Variants in THEMIS observed in about 807,000 individuals in gnomAD.
THEMIS encodes protein THEMIS.
THEMIS carries 37 observed loss-of-function variants against 52.6 expected under a neutral mutation model. The observed-to-expected ratio is 0.70, with a 90% CI of 0.54 to 0.93. THEMIS has a LOEUF of 0.93. Among genes scored for constraint, THEMIS ranks in the 40% least tolerant of loss-of-function variants. The pLI, the probability that THEMIS is intolerant of heterozygous loss-of-function variation, is 0.00. For synonymous variants in THEMIS, 292 were observed against 272.7 expected (o/e 1.07, Z -0.70); for missense variants, 808 against 763.1 (o/e 1.06, Z -0.69).
chr6:127,717,299 T>C (rs1281082800), intron 5 of THEMIS, among the ~76,000 whole-genome samples: 1 of 151,916 alleles, frequency 6.6e-6, no homozygotes, highest in Non-Finnish European at 1.5e-5. Flanking sequence ...TATAGCTACC[T>C]AATGGGGGAG....
At chr6:127,855,301 G>C in intron 1 of THEMIS, 113 bp from the exon 2 acceptor site, 1 of 855,798 alleles carries the variant, frequency 1.2e-6, no homozygotes, top group Non-Finnish European at 1.7e-6. Context: ...TTAGCTACCT[G>C]CTAAACAGGA....
At chr6:127,714,046 C>T (rs753504721) in intron 5 of THEMIS, among the ~76,000 whole-genome samples, 13 of 151,784 alleles carry the variant, frequency 8.6e-5, no homozygotes, top group Non-Finnish European at 1.9e-4. Context: ...GGGCATATTC[C>T]GATGTTCTTT....
intron 2 of THEMIS, among the ~76,000 whole-genome samples, chr6:127,841,338 T>C (rs1779041495): frequency 6.6e-6 from 1 of 152,056 alleles, no homozygotes; most frequent in African/African-American, 2.4e-5. Flanking sequence ...GAAGATCCAA[T>C]TGTTTAAGGG....
intron 4 of THEMIS, among the ~76,000 whole-genome samples, chr6:127,736,896 CAT>C (rs1775028377): frequency 1.4e-5 from 2 of 148,096 alleles, no homozygotes; most frequent in South Asian, 4.3e-4. Context: ...TTCTCCTTGA[CAT>C]GTCATAGAAA....
In THEMIS at chr6:127,813,187, A is replaced by G. The variant is rs746959181; in HGVS notation, c.1454T>C (p.Ile485Thr). 33 of 1,613,906 alleles carry G rather than the reference A, an allele frequency of 2.0e-5. No homozygotes were observed. The highest frequency in any genetic ancestry group is 2.7e-5 in the Non-Finnish European group (32 of 1,180,014). Reference protein sequence around the residue: ...ATPGLQLEEDITDSYLLISDF... With the variant: ...ATPGLQLEEDTTDSYLLISDF... ...ACTTATGAGTAGGTAAGAGTCTGTA[A>G]TGTCCTCCTCCAACTGCAGTCCTGG... Residue 485 changes from isoleucine (I) to threonine (T), a missense_variant, in exon 4 of 6, where the codon ATT becomes ACT. Ile to Thr is a moderately conservative substitution (Grantham distance 89, BLOSUM62 -1). Transcript: ENST00000368248.
rs140049104 is a variant in THEMIS, at chr6:127,805,053, A to G, written c.1758+7830T>C. Among the ~76,000 whole-genome samples, 31 of 152,224 alleles carry G rather than the reference A, an allele frequency of 2.0e-4. 2 individuals carry two copies. In the East Asian group the frequency reaches 3.7e-3, roughly 18 times the overall value. ...CACCTTCATAAATAACAGTGGATTTATTATACATTTCTTGTGGCCTTTAAT... is the reference window on the plus strand; with the variant it reads ...CACCTTCATAAATAACAGTGGATTTGTTATACATTTCTTGTGGCCTTTAAT... On this transcript the variant is annotated intron_variant, in intron 4 of 5. Transcript: ENST00000368248.
intron 4 of THEMIS, among the ~76,000 whole-genome samples, chr6:127,721,364 G>A (rs532903970): frequency 6.0e-4 from 92 of 152,186 alleles, no homozygotes; most frequent in African/African-American, 2.0e-3. Flanking sequence ...TTCAACCACC[G>A]TCTATCTATA....
intron 2 of THEMIS, among the ~76,000 whole-genome samples, chr6:127,838,403 T>C (rs1386945651): frequency 2.0e-5 from 3 of 152,122 alleles, no homozygotes; most frequent in Non-Finnish European, 2.9e-5. Context: ...TCCATTTTCC[T>C]ATTAGTGTTC....
chr6:127,854,647 T>C (rs999518802), intron 2 of THEMIS, among the ~76,000 whole-genome samples: 1 of 151,820 alleles, frequency 6.6e-6, no homozygotes, highest in Non-Finnish European at 1.5e-5. Flanking sequence ...GCTAGAGTAA[T>C]GACAGTAGGA....
Position 127,868,704 on chromosome 6 carries a change from G to T in THEMIS, c.92-13516C>A, listed in dbSNP as rs543777141. 2.6e-5 allele frequency among the ~76,000 whole-genome samples: 4 copies of T among 152,230 alleles called. No individual in the cohort carries two copies. In the South Asian group the frequency reaches 8.3e-4, roughly 32 times the overall value. On this transcript the variant is annotated intron_variant, in intron 1 of 5. Transcript: ENST00000368248. ...CATAATTTAAAGGGTTGAGAGGAAT[G>T]GTTCAGGAGCACTCTTAATGGAGAC...
upstream of THEMIS, among the ~76,000 whole-genome samples, chr6:127,905,461 T>A (rs1290155639): frequency 3.9e-5 from 6 of 151,996 alleles, no homozygotes; most frequent in Admixed American, 3.9e-4. Context: ...AGAAAATTCA[T>A]CACCAGTAAA....
chr6:127,754,486 T>A (rs1482012633), intron 4 of THEMIS, among the ~76,000 whole-genome samples: 3 of 152,160 alleles, frequency 2.0e-5, no homozygotes, highest in Non-Finnish European at 2.9e-5. Flanking sequence ...ATTGGTCAAT[T>A]CCTCTCATAG....
chr6:127,737,079 T>A (rs2114256662), intron 4 of THEMIS, among the ~76,000 whole-genome samples: 1 of 152,272 alleles, frequency 6.6e-6, no homozygotes, highest in East Asian at 1.9e-4. Context: ...ACCAGGAGAC[T>A]GTGACTTGTG....
chr6:127,756,762 C>T (rs1370071173), intron 4 of THEMIS, among the ~76,000 whole-genome samples: 1 of 152,134 alleles, frequency 6.6e-6, no homozygotes, highest in Admixed American at 6.5e-5. Context: ...CTCCAAAATG[C>T]AACTAGTTTG....
chr6:127,743,769 C>T (rs181376892), intron 4 of THEMIS, among the ~76,000 whole-genome samples: 3 of 151,980 alleles, frequency 2.0e-5, no homozygotes, highest in Admixed American at 6.6e-5. Flanking sequence ...ATCATAAATG[C>T]GAATCATTTA....
intron 4 of THEMIS, among the ~76,000 whole-genome samples, chr6:127,734,385 G>A (rs1030687330): frequency 2.0e-5 from 3 of 152,146 alleles, no homozygotes; most frequent in South Asian, 2.1e-4. Flanking sequence ...CAATGGGGGC[G>A]AAGAATGAGG....
intron 1 of THEMIS, among the ~76,000 whole-genome samples, chr6:127,897,187 G>C (rs1019427924): frequency 4.0e-5 from 6 of 151,292 alleles, no homozygotes; most frequent in Non-Finnish European, 7.4e-5. Context: ...GAAGGTGAGG[G>C]TAAACAATAG....
chr6:127,845,079 C>T (rs1248347951), intron 2 of THEMIS, among the ~76,000 whole-genome samples: 1 of 150,538 alleles, frequency 6.6e-6, no homozygotes, highest in Non-Finnish European at 1.5e-5. Flanking sequence ...TCCAGTATAT[C>T]CCCTGAAAGT....
At chr6:127,861,321 T>C (rs148131263) in intron 1 of THEMIS, among the ~76,000 whole-genome samples, 167 of 152,310 alleles carry the variant, frequency 1.1e-3, no homozygotes, top group African/African-American at 3.8e-3. Context: ...TTCCATTTAA[T>C]GAATACAAAT....
Sources: gnomAD v4.1 joint callset for allele counts (sites outside exome capture counted in the v4.1 genomes callset) on GRCh38, gnomAD v4.1.1 for gene constraint, MANE v1.5 for transcripts, NCBI Gene and HGNC (gene_info 2026-07-23, HGNC 2026-07-21) for gene names.